Variants in LRRTM4 observed in about 807,000 individuals in gnomAD.
The protein encoded by LRRTM4 is leucine rich repeat transmembrane neuronal 4, also known as leucine-rich repeat transmembrane neuronal protein 4.
Under a neutral mutation model 47.6 loss-of-function variants are expected in LRRTM4, and 25 were observed. The ratio of observed to expected loss-of-function variants is 0.53; its 90% CI spans 0.38 to 0.73. LRRTM4 has a LOEUF of 0.73. Among genes scored for constraint, LRRTM4 ranks in the 30% least tolerant of loss-of-function variants. The pLI is 0.00. For synonymous variants in LRRTM4, 311 were observed against 269.5 expected (o/e 1.15, Z -1.51); for missense variants, 638 against 713.4 (o/e 0.89, Z 1.20).
chr2:76,974,758 A>AGT (rs1676361208), intron 3 of LRRTM4, among the ~76,000 whole-genome samples: 2 of 151,736 alleles, frequency 1.3e-5, no homozygotes, highest in Non-Finnish European at 3.0e-5. Context: ...ATTTTCCAAG[A>AGT]ATATTTCTGG....
intron 3 of LRRTM4, among the ~76,000 whole-genome samples, chr2:76,987,705 CCA>C (rs1369396908): frequency 2.0e-5 from 3 of 151,898 alleles, no homozygotes; most frequent in Non-Finnish European, 4.4e-5. Flanking sequence ...GGGCTTTGCT[CCA>C]CACAGTTTCT....
intron 3 of LRRTM4, among the ~76,000 whole-genome samples, chr2:76,754,041 A>C (rs1672942228): frequency 6.6e-6 from 1 of 152,114 alleles, no homozygotes; most frequent in Non-Finnish European, 1.5e-5. Context: ...GTTGATTTTC[A>C]ATTTTCTAAA....
In LRRTM4 at chr2:77,243,624, T is replaced by C. The variant is rs1470780198; in HGVS notation, c.1551+274694A>G. The stretch of plus-strand genomic sequence containing the variant: ...TTCTAGAGATAGTTGGTAGAGATGG[T>C]TGCACAACAATGTGAATGTACTTAA... On this transcript the variant is annotated intron_variant, in intron 3 of 3. Coordinates refer to ENST00000409884, the MANE Select transcript of LRRTM4 (RefSeq NM_001134745.3). Among the ~76,000 whole-genome samples the C allele has an allele frequency of 2.0e-5, 3 of 152,116 alleles. No homozygotes were observed. The East Asian group carries it at 5.8e-4, about 30-fold the overall frequency.
intron 3 of LRRTM4, among the ~76,000 whole-genome samples, chr2:77,495,649 C>T (rs1678335642): frequency 6.6e-6 from 1 of 151,940 alleles, no homozygotes; most frequent in Admixed American, 6.6e-5. Context: ...TAAGCTTTCT[C>T]CCCTGAACTG....
At chr2:76,875,894 C>T (rs1393085526) in intron 3 of LRRTM4, among the ~76,000 whole-genome samples, 2 of 152,096 alleles carry the variant, frequency 1.3e-5, no homozygotes, top group Admixed American at 6.6e-5. Context: ...AGCTGAGTTT[C>T]CCTATAAAAA....
Position 77,096,588 on chromosome 2 carries a change from G to A in LRRTM4, c.1552-347672C>T, listed in dbSNP as rs191678009. 4.1e-3 allele frequency among the ~76,000 whole-genome samples: 624 copies of A among 151,506 alleles called. 3 individuals carry two copies. Among genetic ancestry groups the A allele is most frequent in the Middle Eastern group, 0.019 (3 of 160 alleles). ...GTTAAATAATGTCTGATTATGACAT[G>A]ATATAAAAGTAAAAAGTGATAAAAT... On this transcript the variant is annotated intron_variant, in intron 3 of 3. Transcript: ENST00000409884.
chr2:76,916,258 G>A (rs1419159154), intron 3 of LRRTM4, among the ~76,000 whole-genome samples: 1 of 151,438 alleles, frequency 6.6e-6, no homozygotes, highest in Admixed American at 6.6e-5. Flanking sequence ...GTTGGCGGGC[G>A]CCTGTAGTCC....
intron 3 of LRRTM4, among the ~76,000 whole-genome samples, chr2:77,359,770 C>T (rs1672110363): frequency 6.6e-6 from 1 of 152,138 alleles, no homozygotes; most frequent in African/African-American, 2.4e-5. Flanking sequence ...GACAGTCATA[C>T]TTCTCTCAGA....
At chr2:76,907,636 C>A (rs185800289) in intron 3 of LRRTM4, among the ~76,000 whole-genome samples, 1 of 114,608 alleles carries the variant, frequency 8.7e-6, no homozygotes, top group Middle Eastern at 3.7e-3. Flanking sequence ...ATCAAATAGA[C>A]GCAATAAAAA....
chr2:76,957,382 A>G (rs1317553593), intron 3 of LRRTM4, among the ~76,000 whole-genome samples: 1 of 151,754 alleles, frequency 6.6e-6, no homozygotes, highest in Non-Finnish European at 1.5e-5. Flanking sequence ...CACGTATGTT[A>G]AAAAGGTGAA....
intron 3 of LRRTM4, among the ~76,000 whole-genome samples, chr2:76,818,372 A>G (rs189965834): frequency 6.6e-6 from 1 of 151,814 alleles, no homozygotes; most frequent in Non-Finnish European, 1.5e-5. Context: ...GCAAGCAGAA[A>G]AAAAATAATA....
At chr2:77,143,408 C>A (rs767886516) in intron 3 of LRRTM4, among the ~76,000 whole-genome samples, 38 of 152,258 alleles carry the variant, frequency 2.5e-4, no homozygotes, top group Non-Finnish European at 4.9e-4. Context: ...AGAAAAGGTA[C>A]TGCAATAGTT....
At chr2:77,384,277 T>C (rs1673176148) in intron 3 of LRRTM4, among the ~76,000 whole-genome samples, 1 of 151,836 alleles carries the variant, frequency 6.6e-6, no homozygotes, top group African/African-American at 2.4e-5. Context: ...TAGTTTAGAA[T>C]GTGAAGAAGT....
At position 77,029,052 on chromosome 2, in the gene LRRTM4, A is replaced by AAC. The variant is rs1277940864; in HGVS notation, c.1552-280137_1552-280136insGT. On this transcript the variant is annotated intron_variant, in intron 3 of 3. Coordinates refer to ENST00000409884, the MANE Select transcript of LRRTM4 (RefSeq NM_001134745.3). Reference sequence around the variant, plus strand: ...TCCATCACACACACACACACACACAAATATATATATATATATATAATATAT... The same window carrying AAC: ...TCCATCACACACACACACACACACAAACATATATATATATATATATAATATAT... 3.1e-3 allele frequency among the ~76,000 whole-genome samples: 432 copies of AAC among 140,632 alleles called. 2 individuals are homozygous for AAC. Among genetic ancestry groups the AAC allele is most frequent in the African/African-American group, 0.011 (411 of 38,778 alleles). 92.3% of individuals were successfully genotyped at this position (140,632 alleles called of 152,430 possible).
chr2:76,896,742 G>A (rs1017568937), intron 3 of LRRTM4, among the ~76,000 whole-genome samples: 1 of 150,402 alleles, frequency 6.6e-6, no homozygotes, highest in Non-Finnish European at 1.5e-5. Context: ...AAATAAGCCA[G>A]AGTTTATTGG....
At chr2:77,332,879 T>C (rs945165464) in intron 3 of LRRTM4, among the ~76,000 whole-genome samples, 1 of 152,162 alleles carries the variant, frequency 6.6e-6, no homozygotes, top group Non-Finnish European at 1.5e-5. Flanking sequence ...AGATTGACTG[T>C]GTCTCCATTC....
At chr2:77,197,501 G>T (rs1327269466) in intron 3 of LRRTM4, among the ~76,000 whole-genome samples, 1 of 152,014 alleles carries the variant, frequency 6.6e-6, no homozygotes, top group Non-Finnish European at 1.5e-5. Context: ...CAAAGAAAAA[G>T]TACATCTTAC....
intron 3 of LRRTM4, among the ~76,000 whole-genome samples, chr2:76,848,544 G>C (rs1671901074): frequency 6.6e-6 from 1 of 151,888 alleles, no homozygotes; most frequent in South Asian, 2.1e-4. Flanking sequence ...TCTTGAATCA[G>C]TTCAAAAATT....
At chr2:77,360,393 C>A (rs1021790243) in intron 3 of LRRTM4, among the ~76,000 whole-genome samples, 3 of 151,980 alleles carry the variant, frequency 2.0e-5, no homozygotes, top group Non-Finnish European at 4.4e-5. Flanking sequence ...GGAGGCGGAG[C>A]TTGCAGTGAG....
Sources: allele counts gnomAD v4.1 joint callset (sites outside exome capture counted in the v4.1 genomes callset), GRCh38; gene constraint gnomAD v4.1.1; transcripts MANE v1.5; gene names NCBI Gene and HGNC (gene_info 2026-07-23, HGNC 2026-07-21).